MIB1: variants seen among roughly 807,000 people sequenced by gnomAD.
MIB1 encodes the protein MIB E3 ubiquitin protein ligase 1, also known as E3 ubiquitin-protein ligase MIB1.
MIB1 carries 278 observed loss-of-function variants against 124.5 expected under a neutral mutation model. That is an observed-to-expected ratio of 2.23 (90% CI 2.02 to 2.47). The LOEUF is 2.47. MIB1 is among the 30% of genes most tolerant of loss of function. The probability of loss-of-function intolerance (pLI) is 0.00; values close to 1 mark genes in which losing one functional copy is unlikely to be tolerated. For missense variants in MIB1, 957 were observed against 1,254.4 expected (o/e 0.76, Z 3.58); for synonymous variants, 446 against 429.4 (o/e 1.04, Z -0.48).
chr18:21,734,020 C>T (rs751113341), intron 1 of MIB1, among the ~76,000 whole-genome samples: 6 of 152,208 alleles, frequency 3.9e-5, no homozygotes, highest in African/African-American at 1.2e-4. Context: ...TCCCCATAAA[C>T]GTCTCATTAA....
chr18:21,824,533 T>C (rs1302881072), intron 12 of MIB1, among the ~76,000 whole-genome samples: 1 of 152,142 alleles, frequency 6.6e-6, no homozygotes, highest in Non-Finnish European at 1.5e-5. Flanking sequence ...GTGTTTTCTC[T>C]AATGTATGCT....
chr18:21,852,995 G>A (rs2042194531), intron 17 of MIB1, 145 bp from the exon 18 acceptor site: 1 of 598,548 alleles, frequency 1.7e-6, no homozygotes, highest in Non-Finnish European at 3.0e-6. Flanking sequence ...CAGGAAAGTA[G>A]AGGATGGGAG....
At chr18:21,828,765 T>C (rs1334110134) in intron 12 of MIB1, 1 of 191,222 alleles carries the variant, frequency 5.2e-6, no homozygotes, top group Non-Finnish European at 1.1e-5. Context: ...ACTTAGATGA[T>C]TTAAAAGGAG....
intron 6 of MIB1, among the ~76,000 whole-genome samples, chr18:21,781,365 T>TTATATA (rs57641355): frequency 4.4e-3 from 296 of 67,098 alleles, no homozygotes; most frequent in Non-Finnish European, 6.0e-3. Flanking sequence ...TCTGTTCAAG[T>TTATATA]TATATATATA....
At position 21,815,666 on chromosome 18, in the gene MIB1, C is replaced by A; in HGVS notation, c.1530C>A (p.Gly510=). The change falls in exon 11 of 21, where the codon GGC becomes GGA. Residue 510 remains glycine, a synonymous_variant. Transcript: ENST00000261537. ...ACCATGCAGCTTTTGGAGATGAAGG[C>A]GCTGTTATAGAAGTACTACATCGAG... ...AVHHAAFGDE[G]AVIEVLHRGS... The A allele has an allele frequency of 6.2e-7, 1 of 1,614,006 alleles. No individual in the cohort carries two copies. The highest frequency in any genetic ancestry group is 8.5e-7 in the Non-Finnish European group (1 of 1,179,980).
Position 21,799,838 on chromosome 18 carries a change from C to G in MIB1, c.1238-3C>G, listed in dbSNP as rs749130045. Reference sequence around the variant, plus strand: ...ATTAGCAGCTTTATTTGATGCTTTACAGAAAGACTCTCACAACTCCTGAAG... The same window carrying G: ...ATTAGCAGCTTTATTTGATGCTTTAGAGAAAGACTCTCACAACTCCTGAAG... On this transcript the variant is annotated splice_region_variant and splice_polypyrimidine_tract_variant and intron_variant, in intron 8 of 20. Transcript: ENST00000261537. 1.2e-6 allele frequency: 2 copies of G among 1,608,274 alleles called. No homozygotes were observed. The highest frequency in any genetic ancestry group is 8.5e-7 in the Non-Finnish European group (1 of 1,176,496).
chr18:21,783,064 A>G (rs1000476435), intron 6 of MIB1, among the ~76,000 whole-genome samples: 3 of 152,028 alleles, frequency 2.0e-5, no homozygotes, highest in African/African-American at 7.2e-5. Context: ...AGTCTATTTT[A>G]TCTGATATAA....
chr18:21,705,075 G>A (rs1368536573), exon 1 of MIB1: 1 of 161,082 alleles, frequency 6.2e-6, no homozygotes, highest in African/African-American at 2.4e-5. Flanking sequence ...GACCTTGAAC[G>A]ATTCCGCTCT....
chr18:21,774,093 T>C (rs956016244), intron 4 of MIB1, among the ~76,000 whole-genome samples: 3 of 152,228 alleles, frequency 2.0e-5, no homozygotes, highest in Non-Finnish European at 2.9e-5. Context: ...TGGTAGCTTA[T>C]ATAAAAGTAT....
intron 6 of MIB1, among the ~76,000 whole-genome samples, chr18:21,786,672 A>G (rs1021394909): frequency 1.1e-4 from 16 of 152,040 alleles, no homozygotes; most frequent in African/African-American, 3.9e-4. Context: ...CAAATAGCTT[A>G]TATCCAGTCC....
chr18:21,833,464 T>G (rs2042001555), intron 12 of MIB1, among the ~76,000 whole-genome samples: 1 of 152,218 alleles, frequency 6.6e-6, no homozygotes, highest in Non-Finnish European at 1.5e-5. Context: ...TTTGAATTCT[T>G]GACTAATCTA....
At chr18:21,821,158 A>G (rs1385773766) in intron 12 of MIB1, among the ~76,000 whole-genome samples, 2 of 152,118 alleles carry the variant, frequency 1.3e-5, no homozygotes, top group East Asian at 3.9e-4. Context: ...CTATTATACT[A>G]TTCTTCTAAT....
chr18:21,857,326 A>G, intron 19 of MIB1, 83 bp downstream of exon 19: 3 of 808,846 alleles, frequency 3.7e-6, no homozygotes, highest in East Asian at 2.5e-5. Flanking sequence ...GTAATACACT[A>G]CTGCCTTATA....
chr18:21,821,066 T>C (rs1485284662), intron 12 of MIB1, among the ~76,000 whole-genome samples: 2 of 152,194 alleles, frequency 1.3e-5, no homozygotes, highest in Non-Finnish European at 2.9e-5. Context: ...AAAATTTTAC[T>C]CATTCTACCA....
At chr18:21,817,562 A>G in intron 11 of MIB1, 1 of 253,422 alleles carries the variant, frequency 3.9e-6, no homozygotes, top group Admixed American at 4.5e-5. Flanking sequence ...GCCATAGATA[A>G]TACATAAATG....
intron 6 of MIB1, among the ~76,000 whole-genome samples, chr18:21,789,579 C>T (rs2041478099): frequency 6.6e-6 from 1 of 151,922 alleles, no homozygotes; most frequent in African/African-American, 2.4e-5. Flanking sequence ...AATTGACACA[C>T]TGATATTAAA....
At chr18:21,729,140 A>T (rs552517780) in intron 1 of MIB1, among the ~76,000 whole-genome samples, 25 of 152,318 alleles carry the variant, frequency 1.6e-4, no homozygotes, top group African/African-American at 5.8e-4. Context: ...TGACCTGCTT[A>T]TATATCTGAT....
intron 9 of MIB1, among the ~76,000 whole-genome samples, chr18:21,802,132 A>G (rs2041657127): frequency 6.6e-6 from 1 of 152,146 alleles, no homozygotes; most frequent in Admixed American, 6.6e-5. Context: ...ACTATTGAGA[A>G]GATATAAGCC....
intron 1 of MIB1, among the ~76,000 whole-genome samples, chr18:21,724,763 T>A (rs1317098860): frequency 1.9e-5 from 2 of 106,690 alleles, no homozygotes; most frequent in African/African-American, 7.4e-5. Context: ...TATATATATA[T>A]ATATATATAT....
Sources: allele counts gnomAD v4.1 joint callset (sites outside exome capture counted in the v4.1 genomes callset), GRCh38; gene constraint gnomAD v4.1.1; transcripts MANE v1.5; gene names NCBI Gene and HGNC (gene_info 2026-07-23, HGNC 2026-07-21).